The following TRPC5OS variants were observed in gnomAD, a reference collection of about 807,000 sequenced individuals.
TRPC5OS encodes putative uncharacterized protein TRPC5OS.
For synonymous variants in TRPC5OS, 30 were observed against 29.3 expected, an observed-to-expected ratio of 1.02 and a Z score of -0.08; for missense variants, 64 against 79.3, an observed-to-expected ratio of 0.81 and a Z score of 0.73.
chrX:111,881,145 T>TATTTTATTTTATTTTA (rs201802293), intron 1 of TRPC5OS, among the ~76,000 whole-genome samples: 140 of 95,038 alleles, frequency 1.5e-3, no homozygotes, highest in African/African-American at 7.6e-3. Context: ...GATTTTCTTT[T>TATTTTATTTTATTTTA]GTTTATTTTA....
chrX:111,888,116 C>G (rs2148604624), intron 1 of TRPC5OS, among the ~76,000 whole-genome samples: 1 of 111,185 alleles, frequency 9.0e-6, no homozygotes, highest in African/African-American at 3.3e-5. Flanking sequence ...GAGTCAAGAC[C>G]ATTCCAGGCA....
intron 1 of TRPC5OS, among the ~76,000 whole-genome samples, chrX:111,893,590 G>A (rs1038138740): frequency 1.8e-5 from 2 of 112,292 alleles, no homozygotes; most frequent in African/African-American, 6.5e-5. Context: ...TTTGGAGGAG[G>A]AAAGAAATTC....
intron 3 of TRPC5OS, among the ~76,000 whole-genome samples, chrX:111,900,407 A>G (rs974885497): frequency 1.6e-4 from 18 of 112,307 alleles, no homozygotes; most frequent in African/African-American, 5.8e-4. Context: ...TCAAAGGTAT[A>G]TAGCTACACT....
At chrX:111,886,869 T>C (rs754119653) in intron 1 of TRPC5OS, among the ~76,000 whole-genome samples, 1 of 112,892 alleles carries the variant, frequency 8.9e-6, no homozygotes, top group Admixed American at 9.3e-5. Context: ...TCTTCCACTA[T>C]GTTATCCTGA....
chrX:111,888,790 TAATC>T (rs1924661523), intron 1 of TRPC5OS, among the ~76,000 whole-genome samples: 1 of 102,600 alleles, frequency 9.7e-6, no homozygotes, highest in Non-Finnish European at 2.0e-5. Context: ...GCTGTCAAAA[TAATC>T]AAGGTGAGAT....
intron 1 of TRPC5OS, among the ~76,000 whole-genome samples, chrX:111,887,089 T>G (rs1013830381): frequency 1.8e-5 from 2 of 112,495 alleles, no homozygotes. Context: ...AGTTAGTGGC[T>G]TAGATGGTGG....
At chrX:111,886,875 C>A (rs1202434541) in intron 1 of TRPC5OS, among the ~76,000 whole-genome samples, 1 of 112,770 alleles carries the variant, frequency 8.9e-6, no homozygotes, top group African/African-American at 3.2e-5. Context: ...ACTATGTTAT[C>A]CTGAGGACAA....
chrX:111,886,227 C>A (rs1469071906), intron 1 of TRPC5OS, among the ~76,000 whole-genome samples: 1 of 112,174 alleles, frequency 8.9e-6, no homozygotes, highest in Non-Finnish European at 1.9e-5. Context: ...TTGCAGTGAG[C>A]CAAGATCATG....
At position 111,901,979 on chromosome X, in the gene TRPC5OS, G is replaced by C. The variant is rs61729631; in HGVS notation, c.130G>C (p.Gly44Arg). ...AGAAGTTCCTTATGTAGAAGAAAAT[G>C]GTAGAGCAGAAGAGACTGAAGCAGA... is the stretch of plus-strand genomic sequence containing the variant. Reference protein sequence around the residue: ...VQEVPYVEENGRAEETEADAP... With the variant: ...VQEVPYVEENRRAEETEADAP... The change falls in exon 4 of 4, where the codon GGT becomes CGT. Residue 44 changes from glycine (G) to arginine (R), a missense_variant. By Grantham distance (125) the Gly-to-Arg change is moderately radical. Transcript: ENST00000635763. 2.6e-3 allele frequency: 3,040 copies of C among 1,153,830 alleles called. 59 individuals carry two copies. The African/African-American group carries it at 0.049, about 19-fold the overall frequency.
At chrX:111,900,157 C>G (rs1925270593) in intron 3 of TRPC5OS, among the ~76,000 whole-genome samples, 1 of 111,896 alleles carries the variant, frequency 8.9e-6, no homozygotes, top group Non-Finnish European at 1.9e-5. Flanking sequence ...AATAAATATT[C>G]AAGGATTATA....
chrX:111,883,999 A>G lies in TRPC5OS; in HGVS notation c.-546+7726A>G, dbSNP rs965897838. Among the ~76,000 whole-genome samples, 3 of 112,685 alleles carry G rather than the reference A, an allele frequency of 2.7e-5. No individual in the cohort carries two copies. In the Admixed American group the frequency reaches 2.8e-4, roughly 11 times the overall value. ...TATGGCCTAGCCATTACCTAACACTAGATTAGACTTTGTTAGAGCCCAGTT... is the reference window on the plus strand; with the variant it reads ...TATGGCCTAGCCATTACCTAACACTGGATTAGACTTTGTTAGAGCCCAGTT... On this transcript the variant is annotated intron_variant, in intron 1 of 3. Coordinates refer to ENST00000635763, the MANE Select transcript of TRPC5OS (RefSeq NM_001195578.2).
chrX:111,881,389 G>A (rs927014098), intron 1 of TRPC5OS, among the ~76,000 whole-genome samples: 1 of 110,426 alleles, frequency 9.1e-6, no homozygotes, highest in Admixed American at 9.8e-5. Context: ...TGTTGGCCTG[G>A]ATGGTTTCAA....
intron 3 of TRPC5OS, among the ~76,000 whole-genome samples, chrX:111,899,220 G>A (rs1477951085): frequency 9.0e-6 from 1 of 110,592 alleles, no homozygotes; most frequent in Non-Finnish European, 1.9e-5. Context: ...AAAAGTGACT[G>A]AGTCCCCCGC....
At chrX:111,877,021 A>G (rs905063152) in intron 1 of TRPC5OS, among the ~76,000 whole-genome samples, 11 of 111,581 alleles carry the variant, frequency 9.9e-5, no homozygotes, top group African/African-American at 3.6e-4. Context: ...GAAAAATACT[A>G]TCTATGGATG....
intron 1 of TRPC5OS, among the ~76,000 whole-genome samples, chrX:111,881,214 G>A (rs1281927770): frequency 9.9e-6 from 1 of 101,397 alleles, no homozygotes; most frequent in African/African-American, 4.4e-5. Context: ...ATCTCACCCT[G>A]TCACCAGGCT....
At chrX:111,886,173 A>T (rs1329315335) in intron 1 of TRPC5OS, among the ~76,000 whole-genome samples, 2 of 111,862 alleles carry the variant, frequency 1.8e-5, no homozygotes, top group Non-Finnish European at 3.8e-5. Context: ...CCAGCTACTC[A>T]GGAGGCTGAG....
chrX:111,882,013 T>C (rs1924247571), intron 1 of TRPC5OS: 1 of 109,462 alleles, frequency 9.1e-6, no homozygotes, highest in South Asian at 4.0e-4. Flanking sequence ...TGCAGTGTGG[T>C]AAGGTAGGTA....
chrX:111,896,836 C>A (rs183996399), intron 3 of TRPC5OS, among the ~76,000 whole-genome samples: 36 of 111,846 alleles, frequency 3.2e-4, no homozygotes, highest in Admixed American at 3.0e-3. Context: ...TGATCATGGG[C>A]AAATTACTGA....
At chrX:111,899,473 G>T (rs922056098) in intron 3 of TRPC5OS, among the ~76,000 whole-genome samples, 2 of 111,344 alleles carry the variant, frequency 1.8e-5, no homozygotes, top group African/African-American at 6.5e-5. Context: ...GATAGAGAGG[G>T]TGTGAAATAG....
Sources: allele counts gnomAD v4.1 joint callset (sites outside exome capture counted in the v4.1 genomes callset), GRCh38; gene constraint gnomAD v4.1.1; transcripts MANE v1.5; gene names NCBI Gene and HGNC (gene_info 2026-07-23, HGNC 2026-07-21).